Variants in FH observed in about 807,000 individuals in gnomAD.
FH encodes fumarate hydratase.
In FH, 22 loss-of-function variants were observed where a neutral mutation model predicts 49.4. The observed-to-expected ratio is 0.45, with a 90% confidence interval of 0.32 to 0.64. The LOEUF is 0.64. FH is among the 30% of genes least tolerant of loss of function. The pLI, the probability that FH is intolerant of heterozygous loss-of-function variation, is 0.05. For missense variants in FH, 526 were observed against 641.5 expected, an observed-to-expected ratio of 0.82 and a Z score of 1.95; for synonymous variants, 208 against 223.0, an observed-to-expected ratio of 0.93 and a Z score of 0.60.
At chr1:241,503,914 G>A in intron 7 of FH, 128 bp downstream of exon 7, 1 of 972,376 alleles carries the variant, frequency 1.0e-6, no homozygotes, top group Non-Finnish European at 1.6e-6. Flanking sequence ...CCACAGACAT[G>A]CTGGAACAGT....
intron 2 of FH, among the ~76,000 whole-genome samples, chr1:241,516,357 G>A (rs538350672): frequency 7.9e-5 from 12 of 152,342 alleles, no homozygotes; most frequent in African/African-American, 2.9e-4. Flanking sequence ...GTCCTTTGCA[G>A]AGATATGGAT....
chr1:241,505,211 C>T (rs1157132757), intron 6 of FH, among the ~76,000 whole-genome samples: 1 of 151,962 alleles, frequency 6.6e-6, no homozygotes, highest in South Asian at 2.1e-4. Context: ...ATGTCCGGCC[C>T]CTAATACAAT....
intron 5 of FH, 50 bp downstream of exon 5, chr1:241,508,553 G>T: frequency 6.7e-7 from 1 of 1,491,996 alleles, no homozygotes; most frequent in Non-Finnish European, 9.4e-7. Context: ...TGACACATTG[G>T]CCATTTGTAC....
chr1:241,505,670 T>C (rs148372045), intron 6 of FH, among the ~76,000 whole-genome samples: 41 of 152,360 alleles, frequency 2.7e-4, no homozygotes, highest in African/African-American at 9.6e-4. Context: ...ATATTTACTA[T>C]TCAAATAACT....
In FH at chr1:241,513,705, A is replaced by G. The variant is rs1016415438; in HGVS notation, c.276T>C (p.Val92=). ...GGVTERMPTP[V]IKAFGILKRA... ...GCTTCAAGATGCCAAAAGCTTTAATAACTGGGGTCTAAAATTAATCAGAAA... is the reference window on the plus strand; with the variant it reads ...GCTTCAAGATGCCAAAAGCTTTAATGACTGGGGTCTAAAATTAATCAGAAA... Residue 92 remains valine, a synonymous_variant, in exon 3 of 10, where the codon GTT becomes GTC. Transcript: ENST00000366560. 1.9e-6 allele frequency: 3 copies of G among 1,613,266 alleles called. No individual in the cohort carries two copies. Among genetic ancestry groups the G allele is most frequent in the Non-Finnish European group, 2.5e-6 (3 of 1,179,196 alleles).
At chr1:241,506,449 T>TA (rs1659933252) in intron 5 of FH, among the ~76,000 whole-genome samples, 1 of 152,120 alleles carries the variant, frequency 6.6e-6, no homozygotes, top group Non-Finnish European at 1.5e-5. Context: ...GCACAGGAAA[T>TA]ACACTTTAAA....
intron 2 of FH, among the ~76,000 whole-genome samples, 158 bp downstream of exon 2, chr1:241,517,024 T>C (rs1046442663): frequency 6.6e-6 from 1 of 152,236 alleles, no homozygotes. Context: ...CAAAAAGTTC[T>C]TTAACATTTT....
intron 5 of FH, among the ~76,000 whole-genome samples, chr1:241,507,044 C>G (rs1659948106): frequency 6.6e-6 from 1 of 152,168 alleles, no homozygotes; most frequent in East Asian, 1.9e-4. Flanking sequence ...TATAGGTAGA[C>G]CTGATGCATC....
chr1:241,498,687 G>T (rs1159370718), intron 9 of FH, among the ~76,000 whole-genome samples: 3 of 80,650 alleles, frequency 3.7e-5, no homozygotes, highest in Admixed American at 1.6e-4. Context: ...TCTGCAAGCT[G>T]TCTTAACATA....
intron 1 of FH, chr1:241,519,105 A>G (rs1213565317): frequency 6.4e-6 from 1 of 157,426 alleles, no homozygotes; most frequent in Non-Finnish European, 1.4e-5. Flanking sequence ...GAAACAAACC[A>G]CAGTTCAGAA....
chr1:241,507,639 G>C lies in FH; in HGVS notation c.738+964C>G, dbSNP rs148474718. Among the ~76,000 whole-genome samples, 397 of 152,236 alleles carry C rather than the reference G, an allele frequency of 2.6e-3. 2 individuals carry two copies. Among genetic ancestry groups the C allele is most frequent in the African/African-American group, 9.2e-3 (383 of 41,536 alleles). ...GGCCCAAATGGTATTTAGTATTGTA[G>C]TTTTCAACACCAAAAAAAGGTTAAA... On this transcript the variant is annotated intron_variant, in intron 5 of 9. Coordinates refer to ENST00000366560, the MANE Select transcript of FH (RefSeq NM_000143.4).
chr1:241,509,824 C>CGCA (rs1491329329), intron 4 of FH, among the ~76,000 whole-genome samples: 7 of 142,514 alleles, frequency 4.9e-5, no homozygotes, highest in Admixed American at 1.4e-4. Flanking sequence ...CACACACACA[C>CGCA]GCATGCACAC....
rs147991516 is a variant in FH, at chr1:241,504,233, A to G, written c.917T>C (p.Val306Ala). The change falls in exon 7 of 10, where the codon GTC (valine) becomes GCC (alanine). Residue 306 changes from valine to alanine, a missense_variant. Physicochemically the swap from Val to Ala is moderately conservative, Grantham distance 64. This residue lies in a region of FH where 383 missense variants were observed against 514.0 expected (regional missense o/e 0.75). Transcript: ENST00000366560. ...AGCTTCAAATTTATTCGGAGCAGTG[A>G]CAAAAGGCAAGCCTAAAGAAAAGAA... ...KVAALTGLPF[V>A]TAPNKFEALA... The G allele has an allele frequency of 7.0e-5, 113 of 1,614,060 alleles. No individual in the cohort carries two copies. The highest frequency in any genetic ancestry group is 8.7e-5 in the Non-Finnish European group (103 of 1,180,018).
rs863223972 is a variant in FH at position 241,504,143 on chromosome 1, A to C, written c.1007T>G (p.Met336Arg). Reference sequence around the variant, plus strand: ...AAATCGAATATCATTTGCTATCTTCATCAGACTGCAGGCAGTAGTGTTCAT... The same window carrying C: ...AAATCGAATATCATTTGCTATCTTCCTCAGACTGCAGGCAGTAGTGTTCAT... ...GAMNTTACSL[M>R]KIANDIRFLG... The change falls in exon 7 of 10, where the codon ATG becomes AGG. Residue 336 changes from methionine to arginine, a missense_variant. Met to Arg is a moderately conservative substitution (Grantham distance 91, BLOSUM62 -1). Coordinates refer to ENST00000366560, the MANE Select transcript of FH (RefSeq NM_000143.4). 6.2e-7 allele frequency: 1 copy of C among 1,614,240 alleles called. No homozygotes were observed. The highest frequency in any genetic ancestry group is 1.3e-5 in the African/African-American group (1 of 75,086).
At position 241,506,101 on chromosome 1, in the gene FH, A is replaced by G; in HGVS notation, c.806T>C (p.Ile269Thr). 1 of 1,614,024 alleles carries G rather than the reference A, an allele frequency of 6.2e-7. No individual in the cohort carries two copies. Among genetic ancestry groups the G allele is most frequent in the Non-Finnish European group, 8.5e-7 (1 of 1,179,940 alleles). ...AGTGCCTCCAGCTGCGAGCTCATAG[A>G]TTCTTGGCATGGCAGCTTTTATTCT... ...MTRIKAAMPR[I>T]YELAAGGTAV... Residue 269 changes from isoleucine to threonine, a missense_variant, in exon 6 of 10, where the codon ATC becomes ACC. By Grantham distance (89) the Ile-to-Thr change is moderately conservative. This residue lies in a region of FH where 383 missense variants were observed against 514.0 expected (regional missense o/e 0.75). Coordinates refer to ENST00000366560, the MANE Select transcript of FH (RefSeq NM_000143.4).
At chr1:241,499,157 A>G (rs1250768840) in intron 9 of FH, among the ~76,000 whole-genome samples, 2 of 152,168 alleles carry the variant, frequency 1.3e-5, no homozygotes, top group African/African-American at 4.8e-5. Flanking sequence ...ACTATTGGCA[A>G]CCAGCCTGGT....
At chr1:241,505,015 T>C (rs1198530279) in intron 6 of FH, among the ~76,000 whole-genome samples, 1 of 151,480 alleles carries the variant, frequency 6.6e-6, no homozygotes. Flanking sequence ...TTCCAGCAAT[T>C]CTCCTGCCTC....
chr1:241,513,563 G>T, intron 3 of FH, 40 bp downstream of exon 3: 2 of 1,402,976 alleles, frequency 1.4e-6, no homozygotes, highest in South Asian at 1.2e-5. Flanking sequence ...GTATGGCATG[G>T]GTCTGAGGTT....
chr1:241,507,727 A>G (rs1659965643), intron 5 of FH, among the ~76,000 whole-genome samples: 1 of 152,198 alleles, frequency 6.6e-6, no homozygotes, highest in Non-Finnish European at 1.5e-5. Flanking sequence ...CTTAGAAATT[A>G]TGCATGGTCC....
Sources: allele counts gnomAD v4.1 joint callset (sites outside exome capture counted in the v4.1 genomes callset), GRCh38; gene constraint gnomAD v4.1.1; regional missense constraint gnomAD v4.1.1; transcripts MANE v1.5; gene names NCBI Gene and HGNC (gene_info 2026-07-23, HGNC 2026-07-21).